TTC28: variants seen among roughly 807,000 people sequenced by gnomAD.
The protein encoded by TTC28 is tetratricopeptide repeat protein 28.
Under a neutral mutation model 198.0 loss-of-function variants are expected in TTC28, and 61 were observed. The ratio of observed to expected loss-of-function variants is 0.31; its 90% CI spans 0.25 to 0.38. The LOEUF (loss-of-function observed/expected upper bound fraction) is 0.38, where lower values mean the gene tolerates loss of function less well. Ranked by LOEUF, TTC28 falls within the 10% of genes least tolerant of loss-of-function variation. The probability of loss-of-function intolerance (pLI) is 1.00; values close to 1 mark genes in which losing one functional copy is unlikely to be tolerated. For missense variants in TTC28, 2,678 were observed against 3,164.0 expected, an observed-to-expected ratio of 0.85 and a Z score of 3.69; for synonymous variants, 1,171 against 1,297.8, an observed-to-expected ratio of 0.90 and a Z score of 2.10.
intron 6 of TTC28, among the ~76,000 whole-genome samples, chr22:28,113,689 CGTG>C (rs1483247457): frequency 6.6e-6 from 1 of 152,150 alleles, no homozygotes; most frequent in Non-Finnish European, 1.5e-5. Context: ...CATGAAACAA[CGTG>C]GTGTCCATGA....
intron 2 of TTC28, among the ~76,000 whole-genome samples, chr22:28,408,414 A>C (rs1202534271): frequency 1.3e-5 from 2 of 151,802 alleles, no homozygotes; most frequent in African/African-American, 4.8e-5. Flanking sequence ...TTTTTTAGAC[A>C]GAGTCTCACT....
chr22:28,443,864 T>A (rs1164092823), intron 2 of TTC28, among the ~76,000 whole-genome samples: 1 of 152,118 alleles, frequency 6.6e-6, no homozygotes, highest in East Asian at 1.9e-4. Flanking sequence ...CTTAGACTTG[T>A]AAGGCAGTTA....
At chr22:28,021,108 T>A in intron 13 of TTC28, among the ~76,000 whole-genome samples, 1 of 151,988 alleles carries the variant, frequency 6.6e-6, no homozygotes, top group East Asian at 1.9e-4. Context: ...GGTCAGCAGA[T>A]GAAGAAACAG....
At chr22:28,423,638 A>C (rs894427866) in intron 2 of TTC28, among the ~76,000 whole-genome samples, 30 of 152,230 alleles carry the variant, frequency 2.0e-4, no homozygotes, top group Non-Finnish European at 8.8e-5. Context: ...TAGTTACATT[A>C]ACCTTACCTG....
chr22:28,063,506 T>G (rs1428847554), intron 12 of TTC28, among the ~76,000 whole-genome samples: 4 of 152,218 alleles, frequency 2.6e-5, no homozygotes, highest in African/African-American at 9.6e-5. Context: ...GCTAGGACCT[T>G]CAGGCGGTTG....
intron 2 of TTC28, among the ~76,000 whole-genome samples, chr22:28,466,187 C>G (rs1281408134): frequency 3.9e-5 from 6 of 152,192 alleles, no homozygotes. Flanking sequence ...CAGGACTTAA[C>G]TTGTTACCTC....
At chr22:28,521,353 G>T (rs560416804) in intron 2 of TTC28, among the ~76,000 whole-genome samples, 8 of 152,170 alleles carry the variant, frequency 5.3e-5, no homozygotes, top group African/African-American at 1.9e-4. Context: ...GTTATGATGA[G>T]CCGTGACCAA....
chr22:28,258,768 C>G (rs1313082961), intron 5 of TTC28, among the ~76,000 whole-genome samples: 1 of 152,040 alleles, frequency 6.6e-6, no homozygotes, highest in Non-Finnish European at 1.5e-5. Flanking sequence ...GTATATTATA[C>G]TTTTTAGACC....
At chr22:28,389,861 T>C (rs1031361815) in intron 2 of TTC28, among the ~76,000 whole-genome samples, 13 of 151,924 alleles carry the variant, frequency 8.6e-5, no homozygotes, top group African/African-American at 3.1e-4. Context: ...GCTCTGATTT[T>C]AGTTATTTCT....
intron 1 of TTC28, among the ~76,000 whole-genome samples, chr22:28,641,721 A>G (rs933058150): frequency 7.9e-5 from 12 of 152,228 alleles, no homozygotes; most frequent in African/African-American, 2.7e-4. Context: ...GCAGGCCTAC[A>G]CTAAAAGAAA....
intron 5 of TTC28, among the ~76,000 whole-genome samples, chr22:28,293,299 G>A (rs2044822795): frequency 2.0e-5 from 3 of 152,086 alleles, no homozygotes; most frequent in Non-Finnish European, 4.4e-5. Flanking sequence ...TAGAAAAGAA[G>A]GAAATCCTGA....
intron 2 of TTC28, among the ~76,000 whole-genome samples, chr22:28,308,784 G>T (rs1298300658): frequency 6.6e-6 from 1 of 152,138 alleles, no homozygotes; most frequent in Non-Finnish European, 1.5e-5. Context: ...TTAAAAAGTG[G>T]TATAGGAGAG....
intron 5 of TTC28, among the ~76,000 whole-genome samples, chr22:28,273,882 T>C (rs921744244): frequency 9.9e-5 from 15 of 151,978 alleles, no homozygotes; most frequent in African/African-American, 3.4e-4. Context: ...AACAACAACA[T>C]TGAGATAGTT....
intron 2 of TTC28, among the ~76,000 whole-genome samples, chr22:28,313,519 C>G (rs928025358): frequency 5.9e-5 from 9 of 152,174 alleles, no homozygotes; most frequent in African/African-American, 2.2e-4. Context: ...CCACAACAAT[C>G]AAGACGGCTT....
At chr22:28,604,297 T>TATATAAATATATATATATATATATATA (rs1053139903) in intron 2 of TTC28, among the ~76,000 whole-genome samples, 1 of 114,142 alleles carries the variant, frequency 8.8e-6, no homozygotes, top group Non-Finnish European at 1.8e-5. Context: ...AAAAAAAAAA[T>TATATAAATATATATATATATATATATA]TATATATATA....
chr22:28,643,931 G>A (rs780610275), intron 1 of TTC28, among the ~76,000 whole-genome samples: 1 of 152,098 alleles, frequency 6.6e-6, no homozygotes, highest in Non-Finnish European at 1.5e-5. Flanking sequence ...CTCTAGTAGG[G>A]GAAGAAACAA....
At chr22:28,519,349 A>C (rs1601503190) in intron 2 of TTC28, among the ~76,000 whole-genome samples, 1 of 152,224 alleles carries the variant, frequency 6.6e-6, no homozygotes, top group African/African-American at 2.4e-5. Flanking sequence ...CAAACAAGAC[A>C]TGAAACTATG....
chr22:28,336,759 T>C (rs1246769804), intron 2 of TTC28, among the ~76,000 whole-genome samples: 4 of 152,208 alleles, frequency 2.6e-5, no homozygotes, highest in African/African-American at 7.2e-5. Flanking sequence ...GCTAGCAGTC[T>C]ATCAATTTTG....
intron 2 of TTC28, among the ~76,000 whole-genome samples, chr22:28,549,767 A>C (rs1311077134): frequency 6.6e-6 from 1 of 152,228 alleles, no homozygotes; most frequent in East Asian, 1.9e-4. Flanking sequence ...GACATTTGCA[A>C]AACAAAAAAT....
Sources: allele counts gnomAD v4.1 joint callset (sites outside exome capture counted in the v4.1 genomes callset), GRCh38; gene constraint gnomAD v4.1.1; transcripts MANE v1.5; gene names NCBI Gene and HGNC (gene_info 2026-07-23, HGNC 2026-07-21).